The following PALLD variants were observed in gnomAD, a reference collection of about 807,000 sequenced individuals.
The protein encoded by PALLD is palladin.
A neutral mutation model predicts 123.5 loss-of-function variants in PALLD; 61 were observed. The ratio of observed to expected loss-of-function variants is 0.49; its 90% CI spans 0.40 to 0.61. PALLD has a LOEUF of 0.61. Ranked by LOEUF, PALLD falls within the 20% of genes least tolerant of loss-of-function variation. The pLI is 0.00. For synonymous variants in PALLD, 465 were observed against 496.4 expected (o/e 0.94, Z 0.84); for missense variants, 1,273 against 1,377.0 (o/e 0.92, Z 1.20).
chr4:168,602,859 A>G (rs1189135881), intron 2 of PALLD, among the ~76,000 whole-genome samples: 1 of 151,946 alleles, frequency 6.6e-6, no homozygotes, highest in Non-Finnish European at 1.5e-5. Flanking sequence ...TCGACCTCCC[A>G]GGCTCAAGCA....
chr4:168,736,704 G>A (rs1290476768), intron 10 of PALLD, among the ~76,000 whole-genome samples: 3 of 152,094 alleles, frequency 2.0e-5, no homozygotes, highest in Admixed American at 2.0e-4. Flanking sequence ...ATTCCGCCTG[G>A]GTGGAGATGG....
At chr4:168,898,433 G>A (rs1241416207) in intron 13 of PALLD, 60 bp from the exon 14 acceptor site, 25 of 1,050,352 alleles carry the variant, frequency 2.4e-5, no homozygotes, top group Non-Finnish European at 3.7e-5. Context: ...GGGGCAGGGA[G>A]AGACGTGACA....
chr4:168,900,735 A>T (rs1452716490), intron 14 of PALLD, among the ~76,000 whole-genome samples: 1 of 152,210 alleles, frequency 6.6e-6, no homozygotes, highest in African/African-American at 2.4e-5. Flanking sequence ...AATAAACTCC[A>T]TTGTTATAGA....
In PALLD at chr4:168,898,490, C is replaced by T; in HGVS notation, c.2251-3C>T. ...CTGCTAACTTAAACTTTCCTTGATT[C>T]AGGAATACAAAGTCTCCAGCTGTGA... On this transcript the variant is annotated splice_polypyrimidine_tract_variant and splice_region_variant and intron_variant, in intron 13 of 21. Coordinates refer to ENST00000505667, the MANE Select transcript of PALLD (RefSeq NM_001166108.2). 6.2e-7 allele frequency: 1 copy of T among 1,601,844 alleles called. No homozygotes were observed. Among genetic ancestry groups the T allele is most frequent in the Non-Finnish European group, 8.6e-7 (1 of 1,168,938 alleles).
At chr4:168,780,179 G>A (rs950539704) in intron 10 of PALLD, among the ~76,000 whole-genome samples, 21 of 152,146 alleles carry the variant, frequency 1.4e-4, no homozygotes, top group Non-Finnish European at 2.2e-4. Flanking sequence ...GATTATAGGC[G>A]TGGGCCACCG....
intron 8 of PALLD, among the ~76,000 whole-genome samples, chr4:168,693,567 G>GA (rs1782851083): frequency 6.6e-6 from 1 of 152,148 alleles, no homozygotes; most frequent in South Asian, 2.1e-4. Flanking sequence ...TATTTACATA[G>GA]TTAGATCTGA....
intron 15 of PALLD, among the ~76,000 whole-genome samples, chr4:168,905,790 C>CTTTTTTTTTTTTTTTTTTTTTTTTTT (rs59427697): frequency 8.8e-6 from 1 of 113,096 alleles, no homozygotes; most frequent in African/African-American, 3.2e-5. Context: ...GCTTTTTTTT[C>CTTTTTTTTTTTTTTTTTTTTTTTTTT]TTTTTTTTTT....
At chr4:168,607,920 T>C (rs1773346301) in intron 2 of PALLD, among the ~76,000 whole-genome samples, 1 of 152,210 alleles carries the variant, frequency 6.6e-6, no homozygotes, top group Non-Finnish European at 1.5e-5. Context: ...CTGTTGGGAT[T>C]CTGCCCTCTG....
intron 2 of PALLD, among the ~76,000 whole-genome samples, chr4:168,512,894 C>T (rs991199842): frequency 3.3e-5 from 5 of 151,954 alleles, no homozygotes; most frequent in African/African-American, 4.8e-5. Flanking sequence ...CAATAAACAC[C>T]GAGGCCTACT....
chr4:168,835,960 G>A (rs1745123704), intron 10 of PALLD, among the ~76,000 whole-genome samples: 2 of 152,208 alleles, frequency 1.3e-5, no homozygotes, highest in Non-Finnish European at 2.9e-5. Context: ...CAGGGAAGGA[G>A]AAAGAGCATT....
At chr4:168,552,977 A>G (rs532501906) in intron 2 of PALLD, among the ~76,000 whole-genome samples, 3 of 152,188 alleles carry the variant, frequency 2.0e-5, no homozygotes, top group South Asian at 4.1e-4. Context: ...CGCCCAGACA[A>G]TATGTGTTAA....
intron 10 of PALLD, among the ~76,000 whole-genome samples, chr4:168,726,017 T>C (rs1339836413): frequency 6.6e-6 from 1 of 152,236 alleles, no homozygotes; most frequent in African/African-American, 2.4e-5. Context: ...GAAATATTCA[T>C]GTGTATTTTT....
At chr4:168,575,111 C>T (rs1247934846) in intron 2 of PALLD, among the ~76,000 whole-genome samples, 1 of 152,122 alleles carries the variant, frequency 6.6e-6, no homozygotes, top group Non-Finnish European at 1.5e-5. Context: ...TTGCATGAAT[C>T]TGATTCGCTA....
intron 2 of PALLD, among the ~76,000 whole-genome samples, chr4:168,579,086 C>T (rs1417063447): frequency 6.6e-6 from 1 of 152,102 alleles, no homozygotes; most frequent in East Asian, 1.9e-4. Context: ...TGAAAATAAG[C>T]TTCAGCTCTG....
intron 2 of PALLD, among the ~76,000 whole-genome samples, chr4:168,523,291 A>C: frequency 2.0e-5 from 3 of 150,850 alleles, no homozygotes; most frequent in Admixed American, 6.6e-5. Context: ...GGAGGGAGGA[A>C]GGAGGGAGGC....
intron 10 of PALLD, among the ~76,000 whole-genome samples, chr4:168,791,919 CA>C (rs934909264): frequency 1.3e-5 from 2 of 151,456 alleles, no homozygotes; most frequent in Admixed American, 6.6e-5. Flanking sequence ...AGCAAACAAA[CA>C]AAAAAAACTG....
intron 2 of PALLD, among the ~76,000 whole-genome samples, chr4:168,521,318 C>G (rs927757881): frequency 2.0e-5 from 3 of 152,152 alleles, no homozygotes; most frequent in Admixed American, 6.5e-5. Flanking sequence ...GAATGTGACT[C>G]TTGGCTCCAT....
At chr4:168,888,565 G>A (rs1753688290) in intron 10 of PALLD, among the ~76,000 whole-genome samples, 1 of 152,148 alleles carries the variant, frequency 6.6e-6, no homozygotes, top group African/African-American at 2.4e-5. Flanking sequence ...GATATCCAGT[G>A]AAAGAAGAGG....
intron 10 of PALLD, among the ~76,000 whole-genome samples, chr4:168,800,400 G>A (rs1282008951): frequency 3.3e-5 from 5 of 151,890 alleles, no homozygotes; most frequent in South Asian, 2.1e-4. Context: ...TAAAGAACTC[G>A]TACAAATCAA....
Sources: gnomAD v4.1 joint callset for allele counts (sites outside exome capture counted in the v4.1 genomes callset) on GRCh38, gnomAD v4.1.1 for gene constraint, MANE v1.5 for transcripts, NCBI Gene and HGNC (gene_info 2026-07-23, HGNC 2026-07-21) for gene names.